The following GPKOW variants were observed in gnomAD, a reference collection of about 807,000 sequenced individuals.
GPKOW encodes G-patch domain and KOW motifs-containing protein.
For missense variants in GPKOW, 359 were observed against 404.7 expected (o/e 0.89, Z 0.97); for synonymous variants, 167 against 159.1 (o/e 1.05, Z -0.37).
At chrX:49,114,922 CAAAAAAAAAAAAAAAAAA>C (rs1169588195) in intron 9 of GPKOW, among the ~76,000 whole-genome samples, 5 of 45,586 alleles carry the variant, frequency 1.1e-4, no homozygotes, top group Non-Finnish European at 1.8e-4. Flanking sequence ...GACTCTGTTT[CAAAAAAAAAAAAAAAAAA>C]AAAAAAAAAA....
rs2065221438 is a variant in GPKOW at position 49,123,636 on chromosome X, C to T, written c.87G>A (p.Arg29=). Residue 29 remains arginine (R), a synonymous_variant, in exon 1 of 11, where the codon CGG becomes CGA. Coordinates refer to ENST00000156109, the MANE Select transcript of GPKOW (RefSeq NM_015698.6). The stretch of plus-strand genomic sequence containing the variant: ...CGTCTCCCGAGTCGGCCAGCCGCCT[C>T]CGTGCGGACGTGCGAGTGAAGCCGA... ...ISFGFTRTSA[R]RRLADSGDGA... 1 of 1,208,922 alleles carries T rather than the reference C, an allele frequency of 8.3e-7. No individual in the cohort carries two copies. Among genetic ancestry groups the T allele is most frequent in the African/African-American group, 1.7e-5 (1 of 57,549 alleles).
At chrX:49,115,068 T>C (rs1212570759) in intron 9 of GPKOW, among the ~76,000 whole-genome samples, 1 of 109,730 alleles carries the variant, frequency 9.1e-6, no homozygotes, top group African/African-American at 3.3e-5. Context: ...CAAAAATCAC[T>C]GTAATAAAGG....
In GPKOW at chrX:49,113,938, C is replaced by G. The variant is rs1557089751; in HGVS notation, c.1211G>C (p.Gly404Ala). ...CRTDEGRVLE[G>A]LREDMLETLV... Reference sequence around the variant, plus strand: ...GGTCTCCAGCATGTCTTCCCTCAGGCCTATGGATAAGGGAGAGGGGAGTGA... The same window carrying G: ...GGTCTCCAGCATGTCTTCCCTCAGGGCTATGGATAAGGGAGAGGGGAGTGA... Residue 404 changes from glycine (G) to alanine (A), a missense_variant and splice_region_variant, in exon 10 of 11, where the codon GGC (glycine) becomes GCC (alanine). Physicochemically the swap from Gly to Ala is moderately conservative, Grantham distance 60. Coordinates refer to ENST00000156109, the MANE Select transcript of GPKOW (RefSeq NM_015698.6). 3 of 1,181,003 alleles carry G rather than the reference C, an allele frequency of 2.5e-6. No homozygotes were observed. The highest frequency in any genetic ancestry group is 3.5e-6 in the Non-Finnish European group (3 of 867,915).
At chrX:49,119,923 A>G (rs1433370150) in intron 3 of GPKOW, 109 bp from the exon 4 acceptor site, 4 of 469,481 alleles carry the variant, frequency 8.5e-6, no homozygotes, top group Non-Finnish European at 1.1e-5. Flanking sequence ...GTCTTTTCCA[A>G]TCAGCTCAAG....
At chrX:49,116,749 C>T (rs2065195143) in intron 6 of GPKOW, among the ~76,000 whole-genome samples, 1 of 111,882 alleles carries the variant, frequency 8.9e-6, no homozygotes, top group South Asian at 3.7e-4. Flanking sequence ...TTCATCACCC[C>T]AAATGGACAA....
At chrX:49,117,847 A>C (rs1557090494) in intron 4 of GPKOW, 37 bp from the exon 5 acceptor site, 1 of 848,536 alleles carries the variant, frequency 1.2e-6, no homozygotes, top group Non-Finnish European at 1.7e-6. Flanking sequence ...GAGAGGATGC[A>C]ACAGTCTTCA....
chrX:49,117,584 C>T lies in GPKOW; in HGVS notation c.780+13G>A. The T allele has an allele frequency of 8.5e-7, 1 of 1,177,123 alleles. No individual in the cohort carries two copies. The highest frequency in any genetic ancestry group is 1.2e-6 in the Non-Finnish European group (1 of 864,096). On this transcript the variant is annotated intron_variant, in intron 5 of 10. Transcript: ENST00000156109. The stretch of plus-strand genomic sequence containing the variant: ...TGCCTGTTTTGGGCTCCCGGGATAT[C>T]TTGGTTCCTTACCTTCCCATAGAGG...
At chrX:49,121,613 A>T (rs1434905455) in intron 3 of GPKOW, among the ~76,000 whole-genome samples, 1 of 110,675 alleles carries the variant, frequency 9.0e-6, no homozygotes, top group Non-Finnish European at 1.9e-5. Context: ...TATGAAAGAC[A>T]GACTTGGTTA....
In GPKOW at chrX:49,117,665, G is replaced by A; in HGVS notation, c.712C>T (p.Pro238Ser). The stretch of plus-strand genomic sequence containing the variant: ...GCTCCTCCAGGCACCAGCCCTTGAG[G>A]CTGATCTTCCTTATCTTTCTCTTGC... The part of the protein sequence containing the change: ...EEQEKDKEDQ[P>S]QGLVPGGAVV... Residue 238 changes from proline to serine, a missense_variant, in exon 5 of 11, where the codon CCT becomes TCT. Coordinates refer to ENST00000156109, the MANE Select transcript of GPKOW (RefSeq NM_015698.6). The A allele has an allele frequency of 8.3e-7, 1 of 1,210,585 alleles. No homozygotes were observed. The highest frequency in any genetic ancestry group is 1.1e-6 in the Non-Finnish European group (1 of 894,415).
Position 49,116,030 on chromosome X carries a change from C to T in GPKOW, c.1017-16G>A. On this transcript the variant is annotated splice_polypyrimidine_tract_variant and intron_variant, in intron 7 of 10. Transcript: ENST00000156109. ...CCCATCCTGTCTGTGGAGAAGGTGC[C>T]AGCACCAGGCTTAGCTCTTCATCAG... The T allele has an allele frequency of 8.3e-7, 1 of 1,210,775 alleles. No homozygotes were observed. Among genetic ancestry groups the T allele is most frequent in the Non-Finnish European group, 1.1e-6 (1 of 894,993 alleles).
intron 5 of GPKOW, 85 bp downstream of exon 5, chrX:49,117,512 C>T (rs1337417561): frequency 8.4e-6 from 6 of 715,090 alleles, no homozygotes; most frequent in Non-Finnish European, 1.3e-5. Context: ...CTTTCTACCT[C>T]AAATCCAATT....
intron 3 of GPKOW, among the ~76,000 whole-genome samples, chrX:49,121,312 C>T (rs1296626261): frequency 9.1e-6 from 1 of 110,361 alleles, no homozygotes; most frequent in African/African-American, 3.3e-5. Context: ...TCTGTAATCC[C>T]AGCTACTTGG....
chrX:49,121,652 T>A (rs2065213467), intron 3 of GPKOW, among the ~76,000 whole-genome samples: 1 of 110,404 alleles, frequency 9.1e-6, no homozygotes, highest in South Asian at 3.8e-4. Context: ...TCACGTCCCC[T>A]CTTGTCACCT....
intron 1 of GPKOW, 81 bp downstream of exon 1, chrX:49,123,466 C>T: frequency 1.0e-6 from 1 of 983,908 alleles, no homozygotes; most frequent in Non-Finnish European, 1.4e-6. Flanking sequence ...TCACTGTCAC[C>T]AAGACAAACA....
intron 3 of GPKOW, among the ~76,000 whole-genome samples, chrX:49,121,573 AAAG>A (rs782484373): frequency 2.2e-4 from 25 of 111,191 alleles, no homozygotes; most frequent in African/African-American, 7.5e-4. Flanking sequence ...GAAATTTATG[AAAG>A]AAGAGGTGAA....
In GPKOW at chrX:49,119,962, C is replaced by T. The variant is rs1202919594; in HGVS notation, c.457-148G>A. 1.2e-5 allele frequency: 5 copies of T among 429,797 alleles called. No homozygotes were observed. The Admixed American group carries it at 2.1e-4, about 18-fold the overall frequency. The allele number at this position is 429,797 out of a possible 1,213,427, so 35.4% of individuals were successfully genotyped here. ...GAGTTTTGATTTCCTCTTTCCATCC[C>T]TCACTGTACTCCTCCATGTTCAGTC... On this transcript the variant is annotated intron_variant, in intron 3 of 10. Transcript: ENST00000156109.
At chrX:49,121,377 G>A (rs782081689) in intron 3 of GPKOW, among the ~76,000 whole-genome samples, 4 of 109,917 alleles carry the variant, frequency 3.6e-5, no homozygotes, top group South Asian at 3.9e-4. Context: ...GCAGTGAGCC[G>A]AGATCACACC....
chrX:49,117,611 C>G lies in GPKOW; in HGVS notation c.766G>C (p.Gly256Arg), dbSNP rs1264616039. The G allele has an allele frequency of 1.7e-6, 2 of 1,205,373 alleles. No homozygotes were observed. The highest frequency in any genetic ancestry group is 2.2e-6 in the Non-Finnish European group (2 of 890,883). The change falls in exon 5 of 11, where the codon GGC (glycine) becomes CGC (arginine). Residue 256 changes from glycine (G) to arginine (R), a missense_variant. Gly to Arg is a moderately radical substitution (Grantham distance 125, BLOSUM62 -2). Coordinates refer to ENST00000156109, the MANE Select transcript of GPKOW (RefSeq NM_015698.6). ...AVVVLSGPHR[G>R]LYGKVEGLDP... ...TGGTTCCTTACCTTCCCATAGAGGC[C>G]TCGGTGAGGGCCAGAAAGAACCACC...
In GPKOW at chrX:49,115,984, T is replaced by C; in HGVS notation, c.1047A>G (p.Lys349=). The C allele has an allele frequency of 1.7e-6, 2 of 1,211,585 alleles. No individual in the cohort carries two copies. Among genetic ancestry groups the C allele is most frequent in the Non-Finnish European group, 2.2e-6 (2 of 895,189 alleles). The change falls in exon 8 of 11, where the codon AAA becomes AAG. Residue 349 remains lysine (K), a synonymous_variant. Transcript: ENST00000156109. ...RQDGPAAKSE[K]AAPRSQHWLH... is the part of the protein sequence containing the mutation. The stretch of plus-strand genomic sequence containing the variant: ...ACCAGTGCTGACTTCTGGGGGCTGC[T>C]TTCTCACTCTTGGCTGCAGGCCCAT...
Sources: allele counts gnomAD v4.1 joint callset (sites outside exome capture counted in the v4.1 genomes callset), GRCh38; gene constraint gnomAD v4.1.1; transcripts MANE v1.5; gene names NCBI Gene and HGNC (gene_info 2026-07-23, HGNC 2026-07-21).